Variants in DOCK2 observed in about 807,000 individuals in gnomAD.
DOCK2 encodes dedicator of cytokinesis protein 2.
In DOCK2, 87 loss-of-function variants were observed where a neutral mutation model predicts 248.9. The observed-to-expected ratio is 0.35, with a 90% CI of 0.29 to 0.42. DOCK2 has a LOEUF of 0.42. Ranked by LOEUF, DOCK2 falls within the 10% of genes least tolerant of loss-of-function variation. The pLI is 1.00. For missense variants in DOCK2, 1,747 were observed against 2,300.2 expected, an observed-to-expected ratio of 0.76 and a Z score of 4.92; for synonymous variants, 805 against 821.6, an observed-to-expected ratio of 0.98 and a Z score of 0.35.
At chr5:169,781,170 T>C (rs1765697102) in intron 25 of DOCK2, among the ~76,000 whole-genome samples, 1 of 152,316 alleles carries the variant, frequency 6.6e-6, no homozygotes, top group East Asian at 1.9e-4. Context: ...CTGATGCACA[T>C]GTCTTTGGAA....
rs67124138 is a variant in DOCK2, at chr5:169,853,804, C to CTTTTTTTTTTTTTTT, written c.2799+12983_2799+12997dup. ...TTCCTTCTATAATCAGGAAAAACAA[C>CTTTTTTTTTTTTTTT]TTTTTTTTTTTTTTTTTTTTTTTTT... On this transcript the variant is annotated intron_variant, in intron 27 of 51. Coordinates refer to ENST00000520908, the MANE Select transcript of DOCK2 (RefSeq NM_004946.3). Among the ~76,000 whole-genome samples the CTTTTTTTTTTTTTTT allele has an allele frequency of 1.8e-4, 10 of 56,858 alleles. 1 individual carries two copies. The highest frequency in any genetic ancestry group is 6.5e-4 in the Admixed American group (2 of 3,072). The allele number at this position is 56,858 out of a possible 152,430, so 37.3% of individuals were successfully genotyped here. A position where few individuals can be genotyped will look rare whatever the true frequency, so the allele number is the denominator to read the frequency against.
At position 169,682,069 on chromosome 5, in the gene DOCK2, C is replaced by T. The variant is rs187822767; in HGVS notation, c.606+190C>T. On this transcript the variant is annotated intron_variant, in intron 7 of 51. Transcript: ENST00000520908. ...AATCTGTAATTCATTCAACATCCAT[C>T]TCACAGGTAGTTAAATGGCAGGCAA... 9.8e-5 allele frequency among the ~76,000 whole-genome samples: 15 copies of T among 152,356 alleles called. No homozygotes were observed. In the East Asian group the frequency reaches 2.5e-3, roughly 25 times the overall value.
chr5:169,830,356 T>C lies in DOCK2; in HGVS notation c.2704-10401T>C, dbSNP rs560029963. ...TCATTAGAATGAATCTTATTTTGTA[T>C]CTTAAAATGGGGTAATACTTATCCC... On this transcript the variant is annotated intron_variant, in intron 26 of 51. Transcript: ENST00000520908. 3.3e-5 allele frequency among the ~76,000 whole-genome samples: 5 copies of C among 152,346 alleles called. No individual in the cohort carries two copies. The East Asian group carries it at 9.6e-4, about 29-fold the overall frequency.
chr5:169,732,482 T>A (rs1480477401), intron 22 of DOCK2, among the ~76,000 whole-genome samples: 1 of 152,184 alleles, frequency 6.6e-6, no homozygotes, highest in East Asian at 1.9e-4. Flanking sequence ...ATCCAATCAC[T>A]TGATATCTTC....
Position 169,647,380 on chromosome 5 carries a change from G to A in DOCK2, c.44-7023G>A, listed in dbSNP as rs541460461. Among the ~76,000 whole-genome samples the A allele has an allele frequency of 7.9e-5, 12 of 152,186 alleles. No individual in the cohort carries two copies. The South Asian group carries it at 2.5e-3, about 32-fold the overall frequency. On this transcript the variant is annotated intron_variant, in intron 1 of 51. Transcript: ENST00000520908. ...TGGGTAGATGAGTGGAGGGGGAGGA[G>A]GATGGGTAAAGGGTAAGAGTTGGAG... is the stretch of plus-strand genomic sequence containing the variant.
At chr5:169,699,959 G>A (rs534296146) in intron 12 of DOCK2, 55 bp from the exon 13 acceptor site, 65 of 1,605,540 alleles carry the variant, frequency 4.0e-5, no homozygotes, top group East Asian at 1.1e-4. Context: ...CGGGAGGGCC[G>A]ACTGAGGGGT....
At chr5:170,060,501 C>A (rs1353187778) in intron 44 of DOCK2, among the ~76,000 whole-genome samples, 1 of 152,194 alleles carries the variant, frequency 6.6e-6, no homozygotes, top group Non-Finnish European at 1.5e-5. Context: ...AAGTGACAGA[C>A]CTCCGCCAGC....
intron 46 of DOCK2, among the ~76,000 whole-genome samples, chr5:170,072,030 T>C (rs1184663267): frequency 1.3e-5 from 2 of 152,256 alleles, no homozygotes; most frequent in East Asian, 3.8e-4. Flanking sequence ...ATTTTTATAC[T>C]AATAGAGAAT....
intron 49 of DOCK2, 199 bp from the exon 50 acceptor site, chr5:170,079,964 T>A: frequency 1.4e-6 from 1 of 702,878 alleles, no homozygotes. Flanking sequence ...CCCCCGCCTG[T>A]AGTTGTGTAG....
chr5:169,838,599 T>C (rs1245905321), intron 26 of DOCK2, among the ~76,000 whole-genome samples: 1 of 152,088 alleles, frequency 6.6e-6, no homozygotes, highest in Non-Finnish European at 1.5e-5. Context: ...GCCAGAAATA[T>C]GGGGAGATCT....
intron 1 of DOCK2, among the ~76,000 whole-genome samples, chr5:169,653,334 G>A (rs1757908512): frequency 6.6e-6 from 1 of 152,180 alleles, no homozygotes; most frequent in Non-Finnish European, 1.5e-5. Flanking sequence ...ACCCAACATT[G>A]TGGGGTGGGT....
intron 27 of DOCK2, among the ~76,000 whole-genome samples, chr5:169,856,667 C>T (rs930892237): frequency 2.6e-5 from 4 of 152,310 alleles, no homozygotes; most frequent in Admixed American, 6.5e-5. Context: ...CTCATCACCT[C>T]CATCACCCAT....
At chr5:170,041,269 C>A in intron 37 of DOCK2, 124 bp downstream of exon 37, 1 of 849,560 alleles carries the variant, frequency 1.2e-6, no homozygotes, top group Non-Finnish European at 1.9e-6. Context: ...CCTGTGTCTC[C>A]AAACTCTTGA....
chr5:169,766,180 G>T (rs1034732969), intron 25 of DOCK2, among the ~76,000 whole-genome samples: 1 of 151,884 alleles, frequency 6.6e-6, no homozygotes, highest in Non-Finnish European at 1.5e-5. Flanking sequence ...CAGGTAATAC[G>T]CATAGACCTG....
chr5:169,804,478 GT>G (rs1767204937), intron 26 of DOCK2, among the ~76,000 whole-genome samples: 1 of 77,400 alleles, frequency 1.3e-5, no homozygotes, highest in African/African-American at 3.1e-5. Context: ...GTGTGTGTGT[GT>G]GTGTGTGCGC....
intron 6 of DOCK2, among the ~76,000 whole-genome samples, chr5:169,678,161 C>T (rs1008995755): frequency 7.3e-5 from 11 of 151,280 alleles, no homozygotes; most frequent in Non-Finnish European, 1.0e-4. Context: ...TGTTAGAAGA[C>T]GGAAGGGAAT....
intron 29 of DOCK2, among the ~76,000 whole-genome samples, chr5:169,992,862 T>A (rs1188762995): frequency 6.6e-6 from 1 of 152,186 alleles, no homozygotes; most frequent in African/African-American, 2.4e-5. Context: ...ATATTCTGAT[T>A]TCCAGTGTGT....
chr5:169,807,134 C>G (rs1356505548), intron 26 of DOCK2, among the ~76,000 whole-genome samples: 2 of 152,026 alleles, frequency 1.3e-5, no homozygotes, highest in African/African-American at 2.4e-5. Flanking sequence ...TACCTAGGCC[C>G]CTGTCCCAAG....
At chr5:169,965,619 G>A (rs1166041270) in intron 27 of DOCK2, among the ~76,000 whole-genome samples, 1 of 152,154 alleles carries the variant, frequency 6.6e-6, no homozygotes, top group Non-Finnish European at 1.5e-5. Context: ...GCTGGTGGCA[G>A]GTAATTCTAA....
Sources: gnomAD v4.1 joint callset for allele counts (sites outside exome capture counted in the v4.1 genomes callset) on GRCh38, gnomAD v4.1.1 for gene constraint, MANE v1.5 for transcripts, NCBI Gene and HGNC (gene_info 2026-07-23, HGNC 2026-07-21) for gene names.